Variants in KRT6B observed in about 807,000 individuals in gnomAD.
The protein encoded by KRT6B is keratin, type II cytoskeletal 6B.
In KRT6B, 29 loss-of-function variants were observed where a neutral mutation model predicts 44.7. The observed-to-expected ratio is 0.65, with a 90% CI of 0.48 to 0.88. The LOEUF is 0.88. Ranked by LOEUF, KRT6B falls within the 40% of genes least tolerant of loss-of-function variation. KRT6B has a pLI of 0.00. For synonymous variants in KRT6B, 213 were observed against 296.0 expected, an observed-to-expected ratio of 0.72 and a Z score of 2.88; for missense variants, 600 against 724.0, an observed-to-expected ratio of 0.83 and a Z score of 1.97.
chr12:52,447,241 G>C lies in KRT6B; in HGVS notation c.1644C>G (p.Thr548=), dbSNP rs757227143. ...GLSSVGGGSS[T]IKYTTTSSSS... ...AGGAGGAGGTGGTGGTGTACTTGAT[G>C]GTGGAACTGCCGCCTCCAACAGAGC... Residue 548 remains threonine (T), a synonymous_variant, in exon 9 of 9, where the codon ACC becomes ACG. Transcript: ENST00000252252. 6.2e-7 allele frequency: 1 copy of C among 1,614,048 alleles called. No individual in the cohort carries two copies. The highest frequency in any genetic ancestry group is 2.2e-5 in the East Asian group (1 of 44,880).
intron 6 of KRT6B, 138 bp from the exon 7 acceptor site, chr12:52,448,136 C>A (rs556276688): frequency 9.3e-6 from 11 of 1,177,650 alleles, no homozygotes; most frequent in African/African-American, 1.5e-5. Context: ...TCCTGTCTAG[C>A]CTTTTTACTG....
rs1366610102 is a variant in KRT6B, at chr12:52,448,844, G to T, written c.1201C>A (p.Gln401Lys). 3 of 1,614,016 alleles carry T rather than the reference G, an allele frequency of 1.9e-6. No homozygotes were observed. Among genetic ancestry groups the T allele is most frequent in the Non-Finnish European group, 2.5e-6 (3 of 1,180,008 alleles). Residue 401 changes from glutamine (Q) to lysine (K), a missense_variant and splice_region_variant, in exon 6 of 9, where the codon CAG (glutamine) becomes AAG (lysine). Around this residue, in one of 4 missense-constraint regions of KRT6B, gnomAD observed 479 missense variants for 454.2 expected, o/e 1.05. Coordinates refer to ENST00000252252, the MANE Select transcript of KRT6B (RefSeq NM_005555.4). ...LRSEIDHVKK[Q>K]CANLQAAIAD... ...TCCTCCATTGCCCCTCACCATACCTGCTTCTTGACGTGGTCGATCTCAGAT... is the reference window on the plus strand; with the variant it reads ...TCCTCCATTGCCCCTCACCATACCTTCTTCTTGACGTGGTCGATCTCAGAT...
Position 52,447,926 on chromosome 12 carries a change from T to A in KRT6B, c.1276A>T (p.Lys426Ter). The A allele has an allele frequency of 1.2e-6, 2 of 1,614,168 alleles. No homozygotes were observed. The highest frequency in any genetic ancestry group is 1.7e-6 in the Non-Finnish European group (2 of 1,180,022). The change falls in exon 7 of 9, where the codon AAG (lysine) becomes TAG (stop). Residue 426 changes from lysine (K) to a stop codon, truncating the protein, a stop_gained. Coordinates refer to ENST00000252252, the MANE Select transcript of KRT6B (RefSeq NM_005555.4). LOFTEE classifies it high-confidence loss of function. ...AGGGCATCCTCCAGCCCTTCCAGCT[T>A]GTTCTTAGCATCCTTGAGGGCCATC... ...GEMALKDAKN[K>*]LEGLEDALQK...
At chr12:52,448,448 C>T in intron 6 of KRT6B, among the ~76,000 whole-genome samples, 1 of 152,220 alleles carries the variant, frequency 6.6e-6, no homozygotes, top group East Asian at 1.9e-4. Context: ...TTTCCTTCCT[C>T]ATAGCCCTGG....
rs759996259 is a variant in KRT6B, at chr12:52,449,544, G to A, written c.1002C>T (p.Ile334=). Residue 334 remains isoleucine, a synonymous_variant, in exon 5 of 9, where the codon ATC becomes ATT. Coordinates refer to ENST00000252252, the MANE Select transcript of KRT6B (RefSeq NM_005555.4). ...CCTCATATTGGGCCTTGACCTCAGC[G>A]ATGATGCTGTCCAGGTCCAGGTTGC... ...NNRNLDLDSI[I]AEVKAQYEEI... The A allele has an allele frequency of 3.7e-5, 59 of 1,614,060 alleles. No homozygotes were observed. Among genetic ancestry groups the A allele is most frequent in the Non-Finnish European group, 4.3e-5 (51 of 1,180,042 alleles).
intron 6 of KRT6B, 40 bp from the exon 7 acceptor site, chr12:52,448,038 C>A (rs1940341485): frequency 6.2e-7 from 1 of 1,613,354 alleles, no homozygotes; most frequent in Non-Finnish European, 8.5e-7. Context: ...GTCATCTGGT[C>A]TTCCAGAGAA....
At chr12:52,448,497 G>A (rs535587227) in intron 6 of KRT6B, among the ~76,000 whole-genome samples, 1 of 152,214 alleles carries the variant, frequency 6.6e-6, no homozygotes, top group East Asian at 1.9e-4. Context: ...GAGCAGATTT[G>A]CAGCAATGTT....
In KRT6B at chr12:52,447,579, G is replaced by T. The variant is rs777550919; in HGVS notation, c.1425-6C>A. 13 of 1,614,034 alleles carry T rather than the reference G, an allele frequency of 8.1e-6. No homozygotes were observed. In the South Asian group the frequency reaches 1.2e-4, roughly 15 times the overall value. ...CAACGCCTTCGCCATTCAGCCTGTG[G>T]AGAGGAACACAGGGAGGGTGAGACC... On this transcript the variant is annotated splice_region_variant and splice_polypyrimidine_tract_variant and intron_variant, in intron 7 of 8. Coordinates refer to ENST00000252252, the MANE Select transcript of KRT6B (RefSeq NM_005555.4).
At chr12:52,449,160 A>C (rs1940358334) in intron 5 of KRT6B, among the ~76,000 whole-genome samples, 193 bp from the exon 6 acceptor site, 1 of 152,160 alleles carries the variant, frequency 6.6e-6, no homozygotes, top group South Asian at 2.1e-4. Context: ...TTATGGCACC[A>C]CTGCCTGCCT....
Position 52,452,042 on chromosome 12 carries a change from T to G in KRT6B, c.37A>C (p.Ser13Arg). 6.2e-7 allele frequency: 1 copy of G among 1,614,152 alleles called. No individual in the cohort carries two copies. Among genetic ancestry groups the G allele is most frequent in the South Asian group, 1.1e-5 (1 of 91,068 alleles). The change falls in exon 1 of 9, where the codon AGC (serine) becomes CGC (arginine). Residue 13 changes from serine (S) to arginine (R), a missense_variant. This residue lies in a region of KRT6B where 78 missense variants were observed against 97.5 expected (regional missense o/e 0.80). Transcript: ENST00000252252. Reference sequence around the variant, plus strand: ...TTGGCACTGAAACCCCGGCGGCTGCTGCTGTGGCTCCTGATGGTGGTGGAT... The same window carrying G: ...TTGGCACTGAAACCCCGGCGGCTGCGGCTGTGGCTCCTGATGGTGGTGGAT... ...STSTTIRSHS[S>R]SRRGFSANSA...
Position 52,449,548 on chromosome 12 carries a change from A to G in KRT6B, c.998T>C (p.Ile333Thr). The G allele has an allele frequency of 6.2e-7, 1 of 1,614,202 alleles. No individual in the cohort carries two copies. Among genetic ancestry groups the G allele is most frequent in the Non-Finnish European group, 8.5e-7 (1 of 1,180,020 alleles). ...ATATTGGGCCTTGACCTCAGCGATG[A>G]TGCTGTCCAGGTCCAGGTTGCGGTT... ...DNNRNLDLDS[I>T]IAEVKAQYEE... Residue 333 changes from isoleucine to threonine, a missense_variant, in exon 5 of 9, where the codon ATC (isoleucine) becomes ACC (threonine). This residue lies in a region of KRT6B where 479 missense variants were observed against 454.2 expected (regional missense o/e 1.05). Transcript: ENST00000252252.
Position 52,448,921 on chromosome 12 carries a change from C to T in KRT6B, c.1124G>A (p.Arg375His), listed in dbSNP as rs764203649. ...CTCAGCAATCTCCTGCTTGGTGTTG[C>T]GCAGGTCGTCCCCATGTCTGCCTGC... ...ITAGRHGDDL[R>H]NTKQEIAEIN... Residue 375 changes from arginine to histidine, a missense_variant, in exon 6 of 9, where the codon CGC (arginine) becomes CAC (histidine). Arg to His is a conservative substitution (Grantham distance 29). Transcript: ENST00000252252. The T allele has an allele frequency of 3.7e-5, 60 of 1,613,580 alleles. No individual in the cohort carries two copies. The highest frequency in any genetic ancestry group is 1.5e-4 in the Admixed American group (9 of 59,946).
intron 6 of KRT6B, among the ~76,000 whole-genome samples, chr12:52,448,639 T>G (rs1222276902): frequency 6.6e-6 from 1 of 152,190 alleles, no homozygotes; most frequent in Non-Finnish European, 1.5e-5. Flanking sequence ...TGAGAGTGCT[T>G]CTGCCCAGGT....
chr12:52,448,837 C>T lies in KRT6B; in HGVS notation c.1203+5G>A. On this transcript the variant is annotated splice_donor_5th_base_variant and intron_variant, in intron 6 of 8. Coordinates refer to ENST00000252252, the MANE Select transcript of KRT6B (RefSeq NM_005555.4). ...GCTTTTCTCCTCCATTGCCCCTCAC[C>T]ATACCTGCTTCTTGACGTGGTCGAT... 1 of 1,614,154 alleles carries T rather than the reference C, an allele frequency of 6.2e-7. No homozygotes were observed. Among genetic ancestry groups the T allele is most frequent in the Non-Finnish European group, 8.5e-7 (1 of 1,180,044 alleles).
chr12:52,447,079 C>A lies in KRT6B; in HGVS notation c.*111G>T. 2 of 1,390,420 alleles carry A rather than the reference C, an allele frequency of 1.4e-6. No individual in the cohort carries two copies. Among genetic ancestry groups the A allele is most frequent in the Admixed American group, 2.0e-5 (1 of 50,632 alleles). The allele number at this position is 1,390,420 out of a possible 1,614,324, so 86.1% of individuals were successfully genotyped here. A position where few individuals can be genotyped will look rare whatever the true frequency, so the allele number is the denominator to read the frequency against. On this transcript the variant is annotated 3_prime_UTR_variant, in exon 9 of 9. Coordinates refer to ENST00000252252, the MANE Select transcript of KRT6B (RefSeq NM_005555.4). ...AAAGTGAGGGCATCCCAGCTCTACCCGGGAGGGCAGGGGAGACTGGAGGCC... is the reference window on the plus strand; with the variant it reads ...AAAGTGAGGGCATCCCAGCTCTACCAGGGAGGGCAGGGGAGACTGGAGGCC...
chr12:52,450,698 C>T, intron 1 of KRT6B, 78 bp from the exon 2 acceptor site: 2 of 1,605,324 alleles, frequency 1.2e-6, no homozygotes, highest in Non-Finnish European at 1.7e-6. Flanking sequence ...TCCTGGAGGT[C>T]TGGGAGGTCC....
In KRT6B at chr12:52,448,799, T is replaced by TA. The variant is rs144784042; in HGVS notation, c.1203+42dup. 1.9e-5 allele frequency: 31 copies of TA among 1,613,486 alleles called. 1 individual carries two copies. The highest frequency in any genetic ancestry group is 1.1e-4 in the South Asian group (10 of 91,054). Reference sequence around the variant, plus strand: ...GGGTGACTACTGCCTCATGACCTAATAAAAAAAATGATGCTTTTCTCCTCC... The same window carrying TA: ...GGGTGACTACTGCCTCATGACCTAATAAAAAAAAATGATGCTTTTCTCCTCC... On this transcript the variant is annotated intron_variant, in intron 6 of 8. Transcript: ENST00000252252.
At chr12:52,447,704 C>G (rs1165569162) in intron 7 of KRT6B, 74 bp downstream of exon 7, 4 of 1,613,954 alleles carry the variant, frequency 2.5e-6, no homozygotes, top group Middle Eastern at 3.3e-4. Flanking sequence ...GGGCAGTGCA[C>G]CTTAAAGTTG....
chr12:52,447,277 C>T lies in KRT6B; in HGVS notation c.1608G>A (p.Gly536=), dbSNP rs781682935. ...CGCCTCCAACAGAGCTGAGGCCACC[C>T]CCAGTGGCTCTGCCGCTGCTGGAAC... is the stretch of plus-strand genomic sequence containing the variant. ...GFSSSSGRAT[G]GGLSSVGGGS... Residue 536 remains glycine, a synonymous_variant, in exon 9 of 9, where the codon GGG becomes GGA. Transcript: ENST00000252252. 1 of 1,614,006 alleles carries T rather than the reference C, an allele frequency of 6.2e-7. No individual in the cohort carries two copies. Among genetic ancestry groups the T allele is most frequent in the Non-Finnish European group, 8.5e-7 (1 of 1,179,866 alleles).
Sources: gnomAD v4.1 joint callset for allele counts (sites outside exome capture counted in the v4.1 genomes callset) on GRCh38, gnomAD v4.1.1 for gene constraint, gnomAD v4.1.1 regional missense constraint, MANE v1.5 for transcripts, NCBI Gene and HGNC (gene_info 2026-07-23, HGNC 2026-07-21) for gene names.